NAV2: variants seen among roughly 807,000 people sequenced by gnomAD.
NAV2 encodes helicase, APC down-regulated 1.
A neutral mutation model predicts 223.2 loss-of-function variants in NAV2; 54 were observed. The ratio of observed to expected loss-of-function variants is 0.24; its 90% confidence interval spans 0.19 to 0.30. The LOEUF is 0.30. Ranked by LOEUF, NAV2 falls within the 10% of genes least tolerant of loss-of-function variation. The pLI, the probability that NAV2 is intolerant of heterozygous loss-of-function variation, is 1.00. For missense variants in NAV2, 2,806 were observed against 3,147.5 expected (o/e 0.89, Z 2.60); for synonymous variants, 1,279 against 1,239.3 (o/e 1.03, Z -0.67).
At chr11:19,570,520 T>G (rs2045394084) in intron 1 of NAV2, among the ~76,000 whole-genome samples, 1 of 152,196 alleles carries the variant, frequency 6.6e-6, no homozygotes, top group African/African-American at 2.4e-5. Flanking sequence ...GAGAAAATAT[T>G]TGCAAATCAT....
intron 1 of NAV2, among the ~76,000 whole-genome samples, chr11:19,643,434 G>A (rs143838064): frequency 1.3e-5 from 2 of 151,268 alleles, no homozygotes; most frequent in South Asian, 2.1e-4. Context: ...TCGTCCTTGC[G>A]ATAGTTTGCT....
chr11:19,445,715 CT>C (rs1393715599), intron 1 of NAV2, among the ~76,000 whole-genome samples: 4 of 149,752 alleles, frequency 2.7e-5, no homozygotes, highest in African/African-American at 7.4e-5. Context: ...AGCTCTGTGG[CT>C]TTTGGCAGCC....
chr11:20,054,302 TACATA>T (rs1463265572), intron 18 of NAV2, 62 bp downstream of exon 18: 2 of 1,438,508 alleles, frequency 1.4e-6, no homozygotes, highest in Admixed American at 5.5e-5. Context: ...TTATCTTATA[TACATA>T]ACATATTTTT....
chr11:19,426,964 C>T (rs1850855353), intron 1 of NAV2, among the ~76,000 whole-genome samples: 1 of 152,190 alleles, frequency 6.6e-6, no homozygotes, highest in Non-Finnish European at 1.5e-5. Flanking sequence ...GCACCTCTCT[C>T]ACTGGAGAAG....
At chr11:19,841,988 G>T (rs2060538338) in intron 2 of NAV2, among the ~76,000 whole-genome samples, 1 of 152,178 alleles carries the variant, frequency 6.6e-6, no homozygotes, top group African/African-American at 2.4e-5. Context: ...CGAGTGACAT[G>T]CCTGATGTCA....
intron 1 of NAV2, among the ~76,000 whole-genome samples, chr11:19,769,472 ACT>A (rs2055527948): frequency 6.6e-6 from 1 of 152,046 alleles, no homozygotes; most frequent in African/African-American, 2.4e-5. Flanking sequence ...TTGCAGATAC[ACT>A]CTGTTTCTGC....
intron 1 of NAV2, among the ~76,000 whole-genome samples, chr11:19,367,459 A>G (rs1848326127): frequency 6.6e-6 from 1 of 152,192 alleles, no homozygotes; most frequent in African/African-American, 2.4e-5. Context: ...TTCTGGTTTT[A>G]TGTCTGGGAC....
intron 1 of NAV2, among the ~76,000 whole-genome samples, chr11:19,813,856 G>C (rs1381524974): frequency 6.6e-6 from 1 of 152,140 alleles, no homozygotes; most frequent in Non-Finnish European, 1.5e-5. Context: ...TTATAAAGTG[G>C]TAAGCAACCT....
At chr11:19,832,746 T>C in intron 2 of NAV2, 145 bp downstream of exon 2, 2 of 716,452 alleles carry the variant, frequency 2.8e-6, no homozygotes. Context: ...GTGTTTTGAC[T>C]AAGTTGTGTG....
rs1465367055 is a variant in NAV2, at chr11:20,035,973, G to GCTC, written c.2785_2787dup (p.Ser929dup). ...TGTCTTGGCAGCTGGGACGACAGCA[G>GCTC]CTCCGTCAGCAGCGGCATCAGCGAC... On this transcript the variant is annotated inframe_insertion, in exon 12 of 38. Transcript: ENST00000349880. 4 of 1,614,042 alleles carry GCTC rather than the reference G, an allele frequency of 2.5e-6. No individual in the cohort carries two copies. The highest frequency in any genetic ancestry group is 3.4e-6 in the Non-Finnish European group (4 of 1,180,018).
intron 1 of NAV2, among the ~76,000 whole-genome samples, chr11:19,370,081 C>T (rs1404407723): frequency 6.6e-6 from 1 of 152,186 alleles, no homozygotes; most frequent in African/African-American, 2.4e-5. Context: ...ATTCATAACC[C>T]TCCATAATTT....
chr11:19,549,029 G>A (rs1303426415), intron 1 of NAV2, among the ~76,000 whole-genome samples: 6 of 152,196 alleles, frequency 3.9e-5, no homozygotes, highest in Non-Finnish European at 8.8e-5. Flanking sequence ...ATGTCTTCCA[G>A]ATTATTGCTT....
chr11:19,662,268 TA>T (rs1034958111), intron 1 of NAV2, among the ~76,000 whole-genome samples: 1 of 151,854 alleles, frequency 6.6e-6, no homozygotes, highest in African/African-American at 2.4e-5. Flanking sequence ...CCAAAGTGAG[TA>T]AAAAAAATAT....
intron 6 of NAV2, among the ~76,000 whole-genome samples, chr11:19,923,768 A>G (rs1234481156): frequency 6.6e-6 from 1 of 152,216 alleles, no homozygotes; most frequent in African/African-American, 2.4e-5. Context: ...CACTCTTGGA[A>G]AAAGGGAGAT....
chr11:19,807,729 G>A (rs1213666865), intron 1 of NAV2, among the ~76,000 whole-genome samples: 1 of 152,200 alleles, frequency 6.6e-6, no homozygotes, highest in African/African-American at 2.4e-5. Flanking sequence ...GTTTGATTGG[G>A]TGAGCAAAGG....
intron 1 of NAV2, among the ~76,000 whole-genome samples, chr11:19,622,386 A>G (rs1476840630): frequency 1.3e-5 from 2 of 152,034 alleles, no homozygotes; most frequent in African/African-American, 4.8e-5. Context: ...ATTGTGTGGG[A>G]GTCTAAGTCT....
At chr11:19,823,605 T>G (rs1692439486) in intron 1 of NAV2, among the ~76,000 whole-genome samples, 1 of 152,204 alleles carries the variant, frequency 6.6e-6, no homozygotes, top group Non-Finnish European at 1.5e-5. Context: ...CCTCCCAAAG[T>G]GCTGGGATTA....
intron 1 of NAV2, among the ~76,000 whole-genome samples, chr11:19,761,927 C>G (rs2054779934): frequency 6.6e-6 from 1 of 152,180 alleles, no homozygotes; most frequent in Admixed American, 6.5e-5. Flanking sequence ...CCATTCTTCA[C>G]ACTGTAGTCA....
intron 11 of NAV2, among the ~76,000 whole-genome samples, chr11:20,008,903 T>C (rs2053323797): frequency 6.6e-6 from 1 of 152,208 alleles, no homozygotes; most frequent in African/African-American, 2.4e-5. Context: ...ATAGAATTGA[T>C]TCTTTTCCTC....
Sources: allele counts gnomAD v4.1 joint callset (sites outside exome capture counted in the v4.1 genomes callset), GRCh38; gene constraint gnomAD v4.1.1; transcripts MANE v1.5; gene names NCBI Gene and HGNC (gene_info 2026-07-23, HGNC 2026-07-21).